PRKCG: variants seen among roughly 807,000 people sequenced by gnomAD.
PRKCG encodes protein kinase C gamma type.
PRKCG carries 28 observed loss-of-function variants against 82.0 expected under a neutral mutation model. The observed-to-expected ratio is 0.34, with a 90% CI of 0.25 to 0.47. The LOEUF (loss-of-function observed/expected upper bound fraction) is 0.47, where lower values mean the gene tolerates loss of function less well. Among genes scored for constraint, PRKCG ranks in the 20% least tolerant of loss-of-function variants. The pLI is 1.00. For missense variants in PRKCG, 640 were observed against 952.7 expected (o/e 0.67, Z 4.32); for synonymous variants, 383 against 376.6 (o/e 1.02, Z -0.20).
At chr19:53,904,609 ACT>A (rs768778549) in intron 15 of PRKCG, 24 bp from the exon 16 acceptor site, 3 of 1,599,686 alleles carry the variant, frequency 1.9e-6, no homozygotes, top group South Asian at 2.2e-5. Context: ...CATGTCCCTG[ACT>A]CTCTATCCCC....
chr19:53,906,127 T>TCTCG, intron 16 of PRKCG, among the ~76,000 whole-genome samples, 190 bp from the exon 17 acceptor site: 1 of 114,298 alleles, frequency 8.7e-6, no homozygotes, highest in Non-Finnish European at 1.7e-5. Flanking sequence ...TCTTTTCTTC[T>TCTCG]CTCTCTCTCT....
chr19:53,895,487 C>CAAAAAAAAA (rs760577483), intron 9 of PRKCG, among the ~76,000 whole-genome samples: 1 of 62,878 alleles, frequency 1.6e-5, no homozygotes, highest in African/African-American at 4.6e-5. Context: ...GACTCTGTCT[C>CAAAAAAAAA]AAAAAAAAAA....
chr19:53,884,111 G>A lies in PRKCG; in HGVS notation c.203-50G>A. On this transcript the variant is annotated intron_variant, in intron 2 of 17. Coordinates refer to ENST00000263431, the MANE Select transcript of PRKCG (RefSeq NM_002739.5). This position sits in a 1 kb window ranked among gnomAD's most constrained non-coding sequence, Gnocchi z 4.6. ...AATTTTCTGTCTGCTGGGGTCTCCC[G>A]CTGGACTAATCCATGCCTCCGTCTG... 1.3e-6 allele frequency: 2 copies of A among 1,583,094 alleles called. No individual in the cohort carries two copies. The highest frequency in any genetic ancestry group is 1.7e-6 in the Non-Finnish European group (2 of 1,152,766).
chr19:53,905,299 CCTT>C (rs1267268969), intron 16 of PRKCG, among the ~76,000 whole-genome samples: 4 of 152,160 alleles, frequency 2.6e-5, no homozygotes, highest in African/African-American at 4.8e-5. Context: ...CTCTGTGTCT[CCTT>C]CTGCATCTCT....
chr19:53,896,338 G>T (rs1423344232), intron 9 of PRKCG, among the ~76,000 whole-genome samples: 1 of 151,108 alleles, frequency 6.6e-6, no homozygotes, highest in Non-Finnish European at 1.5e-5. Context: ...CCTTGAGCTA[G>T]GTACGGGGCT....
At chr19:53,886,019 G>A (rs1278089698) in intron 3 of PRKCG, among the ~76,000 whole-genome samples, 2 of 148,890 alleles carry the variant, frequency 1.3e-5, no homozygotes, top group East Asian at 2.0e-4. Context: ...CCAAGATCAC[G>A]CCACTGCACT....
chr19:53,895,556 T>C (rs1184063376), intron 9 of PRKCG, among the ~76,000 whole-genome samples: 2 of 151,074 alleles, frequency 1.3e-5, no homozygotes. Context: ...CATGTTATAG[T>C]CTTTACTGGA....
intron 14 of PRKCG, among the ~76,000 whole-genome samples, chr19:53,901,503 C>T (rs2068763079): frequency 6.9e-6 from 1 of 144,058 alleles, no homozygotes; most frequent in African/African-American, 2.6e-5. Flanking sequence ...GAGATCACAC[C>T]ACTGCACTCC....
intron 11 of PRKCG, among the ~76,000 whole-genome samples, 155 bp downstream of exon 11, chr19:53,898,783 G>T (rs1452645760): frequency 1.4e-4 from 1 of 7,176 alleles, no homozygotes; most frequent in African/African-American, 4.9e-4. Context: ...GGGCGTGGCC[G>T]GGGGGGGGTC....
At position 53,890,021 on chromosome 19, in the gene PRKCG, A is replaced by AGGCCCCGCCCCCTCGCCT; in HGVS notation, c.529+19_529+36dup. ...GCAGATGAGATCCACGTAACTGGTG[A>AGGCCCCGCCCCCTCGCCT]GGCCCCGCCCCCTCGCCTGGCCCCG... On this transcript the variant is annotated splice_donor_region_variant and intron_variant, in intron 5 of 17. Transcript: ENST00000263431. 1.9e-6 allele frequency: 3 copies of AGGCCCCGCCCCCTCGCCT among 1,556,780 alleles called. No individual in the cohort carries two copies. Among genetic ancestry groups the AGGCCCCGCCCCCTCGCCT allele is most frequent in the African/African-American group, 1.4e-5 (1 of 73,296 alleles).
intron 17 of PRKCG, 104 bp from the exon 18 acceptor site, chr19:53,906,603 A>T (rs2068813613): frequency 6.4e-7 from 1 of 1,552,022 alleles, no homozygotes; most frequent in Non-Finnish European, 8.9e-7. Context: ...ATGAAGCATG[A>T]ATAGAGATTC....
chr19:53,891,452 T>C (rs548650954), intron 5 of PRKCG, among the ~76,000 whole-genome samples: 1 of 151,276 alleles, frequency 6.6e-6, no homozygotes, highest in South Asian at 2.1e-4. Context: ...AATTTTTTTT[T>C]TTTTTTGTAT....
Position 53,882,268 on chromosome 19 carries a change from C to CT in PRKCG, c.-224dup. ...TGCCTCCGGCTGCCGGCGCCCCTGC[C>CT]TTTGGCTCTTCCTCCCCACTCGCCC... On this transcript the variant is annotated 5_prime_UTR_variant, in exon 1 of 18. Coordinates refer to ENST00000263431, the MANE Select transcript of PRKCG (RefSeq NM_002739.5). This position sits in a 1 kb window ranked among gnomAD's most constrained non-coding sequence, Gnocchi z 6.1. The CT allele has an allele frequency of 1.6e-6, 1 of 622,094 alleles. No homozygotes were observed. The highest frequency in any genetic ancestry group is 2.8e-6 in the Non-Finnish European group (1 of 357,236). 38.5% of individuals were successfully genotyped at this position (622,094 alleles called of 1,614,324 possible). A position where few individuals can be genotyped will look rare whatever the true frequency, so the allele number is the denominator to read the frequency against.
At position 53,884,443 on chromosome 19, in the gene PRKCG, C is replaced by T. The variant is rs772268962; in HGVS notation, c.285+200C>T. 6.6e-5 allele frequency among the ~76,000 whole-genome samples: 10 copies of T among 151,144 alleles called. No homozygotes were observed. The East Asian group carries it at 9.7e-4, about 15-fold the overall frequency. ...GAGGGGGACTGACAGGCTGGGGACACGGGTGGGGCACAGAGAGGAGGCCGG... is the reference window on the plus strand; with the variant it reads ...GAGGGGGACTGACAGGCTGGGGACATGGGTGGGGCACAGAGAGGAGGCCGG... On this transcript the variant is annotated intron_variant, in intron 3 of 17. Transcript: ENST00000263431. The surrounding 1 kb of genome is among the most constrained non-coding windows in gnomAD (Gnocchi z 4.6).
chr19:53,892,749 T>TGCGCGC lies in PRKCG; in HGVS notation c.821+110_821+111insGCGCGC, dbSNP rs780235525. 1.2e-5 allele frequency: 13 copies of TGCGCGC among 1,081,562 alleles called. No homozygotes were observed. Among genetic ancestry groups the TGCGCGC allele is most frequent in the Admixed American group, 2.3e-5 (1 of 43,184 alleles). The allele number at this position is 1,081,562 out of a possible 1,614,324, so 67.0% of individuals were successfully genotyped here. A position where few individuals can be genotyped will look rare whatever the true frequency, so the allele number is the denominator to read the frequency against. On this transcript the variant is annotated intron_variant, in intron 7 of 17. Transcript: ENST00000263431. The surrounding 1 kb of genome is among the most constrained non-coding windows in gnomAD (Gnocchi z 5.9). ...CTGTCCTTCCCTCTGCCTCCCAGCA[T>TGCGCGC]GCGCACACACACACACACACACACA...
At position 53,900,438 on chromosome 19, in the gene PRKCG, G is replaced by T. The variant is rs756533117; in HGVS notation, c.1393G>T (p.Ala465Ser). Residue 465 changes from alanine to serine, a missense_variant, in exon 13 of 18, where the codon GCT (alanine) becomes TCT (serine). Transcript: ENST00000263431. This position sits in a 1 kb window ranked among gnomAD's most constrained non-coding sequence, Gnocchi z 4.2. The part of the protein sequence containing the change: ...PHAAFYAAEI[A>S]IGLFFLHNQG... Reference sequence around the variant, plus strand: ...CTCCAGGTTCTACGCGGCAGAAATCGCTATCGGCCTCTTCTTCCTTCACAA... The same window carrying T: ...CTCCAGGTTCTACGCGGCAGAAATCTCTATCGGCCTCTTCTTCCTTCACAA... The T allele has an allele frequency of 6.2e-7, 1 of 1,614,134 alleles. No individual in the cohort carries two copies. The highest frequency in any genetic ancestry group is 8.5e-7 in the Non-Finnish European group (1 of 1,180,032).
chr19:53,903,304 T>G, intron 15 of PRKCG, 151 bp downstream of exon 15: 1 of 680,320 alleles, frequency 1.5e-6, no homozygotes, highest in Non-Finnish European at 2.7e-6. Context: ...GTAGACCAGG[T>G]GTTTTGTTTT....
In PRKCG at chr19:53,882,529, A is replaced by C; in HGVS notation, c.35A>C (p.Glu12Ala). The stretch of plus-strand genomic sequence containing the variant: ...CTGGGCCCCGGCGTAGGCGATTCAG[A>C]GGGGGGACCCCGGCCCCTGTTTTGC... ...AGLGPGVGDS[E>A]GGPRPLFCRK... The change falls in exon 1 of 18, where the codon GAG (glutamate) becomes GCG (alanine). Residue 12 changes from glutamate (E) to alanine (A), a missense_variant. Around this residue, in one of 7 missense-constraint regions of PRKCG, gnomAD observed 27 missense variants for 23.9 expected, o/e 1.13. Transcript: ENST00000263431. The surrounding 1 kb of genome is among the most constrained non-coding windows in gnomAD (Gnocchi z 6.1). 3 of 1,613,986 alleles carry C rather than the reference A, an allele frequency of 1.9e-6. No individual in the cohort carries two copies. Among genetic ancestry groups the C allele is most frequent in the Non-Finnish European group, 2.5e-6 (3 of 1,179,978 alleles).
chr19:53,887,375 T>C (rs2122983121), intron 3 of PRKCG, among the ~76,000 whole-genome samples: 1 of 151,758 alleles, frequency 6.6e-6, no homozygotes, highest in East Asian at 1.9e-4. Context: ...CACACGCCTG[T>C]AATCCCAGCT....
Sources: gnomAD v4.1 joint callset for allele counts (sites outside exome capture counted in the v4.1 genomes callset) on GRCh38, gnomAD v4.1.1 for gene constraint, gnomAD v4.1.1 regional missense constraint, Gnocchi (gnomAD v3.1) non-coding constraint, MANE v1.5 for transcripts, NCBI Gene and HGNC (gene_info 2026-07-23, HGNC 2026-07-21) for gene names.